Variants in LRRIQ1 observed in about 807,000 individuals in gnomAD.
LRRIQ1 encodes leucine-rich repeat- and IQ domain-containing protein 1.
A neutral mutation model predicts 211.9 loss-of-function variants in LRRIQ1; 210 were observed. The ratio of observed to expected loss-of-function variants is 0.99; its 90% CI spans 0.89 to 1.11. LRRIQ1 has a LOEUF of 1.11. Among genes scored for constraint, LRRIQ1 ranks in the 50% most tolerant of loss-of-function variants. The pLI is 0.00. For synonymous variants in LRRIQ1, 699 were observed against 650.1 expected (o/e 1.08, Z -1.14); for missense variants, 2,136 against 1,939.5 (o/e 1.10, Z -1.90).
In LRRIQ1 at chr12:85,104,007, G is replaced by C; in HGVS notation, c.3213G>C (p.Leu1071Phe). The C allele has an allele frequency of 6.4e-7, 1 of 1,562,856 alleles. No homozygotes were observed. The highest frequency in any genetic ancestry group is 1.4e-5 in the African/African-American group (1 of 72,662). The change falls in exon 14 of 27, where the codon TTG (leucine) becomes TTC (phenylalanine). Residue 1071 changes from leucine (L) to phenylalanine (F), a missense_variant. Transcript: ENST00000393217. The part of the protein sequence containing the change: ...LQNITISQNS[L>F]TKIVPLFHFV... ...AAGTTTTTGTTTTTGTTTTCAGCTT[G>C]ACTAAAATCGTACCACTTTTTCATT...
rs568533289 is a variant in LRRIQ1, at chr12:85,158,233, T to C, written c.4721-2380T>C. 3.3e-3 allele frequency among the ~76,000 whole-genome samples: 507 copies of C among 151,754 alleles called. 3 individuals carry two copies. The highest frequency in any genetic ancestry group is 5.3e-3 in the Non-Finnish European group (358 of 67,826). ...CTGGTAGATATCCAATGAATGTCAA[T>C]TGACTAAAAAAAAAAAACTAGATAA... is the stretch of plus-strand genomic sequence containing the variant. On this transcript the variant is annotated intron_variant, in intron 23 of 26. Coordinates refer to ENST00000393217, the MANE Select transcript of LRRIQ1 (RefSeq NM_001079910.2).
intron 24 of LRRIQ1, among the ~76,000 whole-genome samples, chr12:85,203,668 C>T (rs1893404595): frequency 6.6e-6 from 1 of 151,938 alleles, no homozygotes; most frequent in African/African-American, 2.4e-5. Context: ...GCATTGTGTC[C>T]CTGCCCTAGA....
chr12:85,202,279 A>G (rs972436609), intron 24 of LRRIQ1, among the ~76,000 whole-genome samples: 4 of 152,034 alleles, frequency 2.6e-5, no homozygotes, highest in Admixed American at 2.0e-4. Flanking sequence ...TTTTGAGTGG[A>G]GTGTTCTGCA....
At chr12:85,150,816 T>A (rs531541898) in intron 19 of LRRIQ1, among the ~76,000 whole-genome samples, 1 of 151,766 alleles carries the variant, frequency 6.6e-6, no homozygotes, top group African/African-American at 2.4e-5. Flanking sequence ...TATTTACAAA[T>A]ACTGAAATTT....
intron 1 of LRRIQ1, among the ~76,000 whole-genome samples, chr12:85,251,528 G>A (rs781709162): frequency 6.6e-6 from 1 of 151,870 alleles, no homozygotes. Context: ...GTCCTTGTTG[G>A]CTCTTTCCTA....
intron 24 of LRRIQ1, among the ~76,000 whole-genome samples, chr12:85,209,343 G>C (rs1893724185): frequency 6.6e-6 from 1 of 152,062 alleles, no homozygotes; most frequent in East Asian, 1.9e-4. Flanking sequence ...ACAAAAGGGG[G>C]AAAAGCCCCT....
At position 85,223,525 on chromosome 12, in the gene LRRIQ1, A is replaced by G. The variant is rs534036096; in HGVS notation, c.4823-5992A>G. On this transcript the variant is annotated intron_variant, in intron 24 of 26. Coordinates refer to ENST00000393217, the MANE Select transcript of LRRIQ1 (RefSeq NM_001079910.2). ...TGATATTATTTGTGAAAAACAAAAT[A>G]TTGGAAGAGTGTCCAATTTGTCCCT... 9.8e-5 allele frequency among the ~76,000 whole-genome samples: 15 copies of G among 152,352 alleles called. No individual in the cohort carries two copies. The South Asian group carries it at 1.2e-3, about 13-fold the overall frequency.
At chr12:85,043,196 T>A (rs1332511390) in intron 3 of LRRIQ1, among the ~76,000 whole-genome samples, 1 of 152,090 alleles carries the variant, frequency 6.6e-6, no homozygotes, top group Non-Finnish European at 1.5e-5. Context: ...TTTATTACTA[T>A]ATCTTTTGGT....
chr12:85,258,930 A>G (rs1336821486), intron 1 of LRRIQ1, among the ~76,000 whole-genome samples: 1 of 152,040 alleles, frequency 6.6e-6, no homozygotes, highest in East Asian at 1.9e-4. Flanking sequence ...AAATCATTTT[A>G]CATATTAAAT....
chr12:85,195,373 AAAG>A (rs1380772133), intron 24 of LRRIQ1, among the ~76,000 whole-genome samples: 1 of 152,042 alleles, frequency 6.6e-6, no homozygotes, highest in Non-Finnish European at 1.5e-5. Flanking sequence ...ACAACAAAAA[AAAG>A]AGAATTTTAG....
chr12:85,203,114 G>A (rs1041124570), intron 24 of LRRIQ1, among the ~76,000 whole-genome samples: 7 of 152,128 alleles, frequency 4.6e-5, no homozygotes, highest in Non-Finnish European at 1.0e-4. Context: ...CCCCCATAGT[G>A]TTCTCGTGGT....
intron 19 of LRRIQ1, among the ~76,000 whole-genome samples, chr12:85,142,335 T>C (rs934570619): frequency 6.6e-6 from 1 of 151,502 alleles, no homozygotes; most frequent in Non-Finnish European, 1.5e-5. Flanking sequence ...TAAATATCTT[T>C]CATTAGTTTT....
intron 24 of LRRIQ1, among the ~76,000 whole-genome samples, chr12:85,217,500 ATATATATATGTGTGTG>A (rs1442760887): frequency 1.1e-3 from 90 of 81,530 alleles, no homozygotes; most frequent in Admixed American, 1.5e-3. Flanking sequence ...ATGTATATAT[ATATATATATGTGTGTG>A]TGTGTGTGTG....
At chr12:85,098,212 C>G (rs1485118530) in intron 11 of LRRIQ1, 143 bp from the exon 12 acceptor site, 6 of 557,128 alleles carry the variant, frequency 1.1e-5, no homozygotes, top group African/African-American at 2.0e-5. Flanking sequence ...TATGTTTCAC[C>G]AGGAATTTGG....
At chr12:85,249,043 T>C (rs1895821134), downstream of LRRIQ1, among the ~76,000 whole-genome samples, 2 of 151,832 alleles carry the variant, frequency 1.3e-5, no homozygotes. Flanking sequence ...CTAAACTATT[T>C]GTTAAGGAAA....
downstream of LRRIQ1, among the ~76,000 whole-genome samples, chr12:85,249,257 G>T (rs1258253410): frequency 5.3e-5 from 8 of 151,728 alleles, no homozygotes; most frequent in Non-Finnish European, 1.0e-4. Flanking sequence ...GATGGATATT[G>T]AAGTTTATTT....
At chr12:85,242,448 A>C (rs1295926543) in intron 26 of LRRIQ1, among the ~76,000 whole-genome samples, 2 of 151,978 alleles carry the variant, frequency 1.3e-5, no homozygotes, top group African/African-American at 4.8e-5. Flanking sequence ...AGAAGGGAGA[A>C]TATGCATAGG....
At chr12:85,233,557 C>T (rs76884792) in intron 26 of LRRIQ1, among the ~76,000 whole-genome samples, 1 of 152,068 alleles carries the variant, frequency 6.6e-6, no homozygotes, top group Non-Finnish European at 1.5e-5. Flanking sequence ...ATTAAAAGAT[C>T]ATGTGATTCT....
intron 1 of LRRIQ1, among the ~76,000 whole-genome samples, chr12:85,252,897 AAATTT>A (rs1423753390): frequency 7.2e-5 from 11 of 151,972 alleles, no homozygotes; most frequent in Non-Finnish European, 1.2e-4. Flanking sequence ...ATATAATTTC[AAATTT>A]AATTTAATAT....
Sources: allele counts gnomAD v4.1 joint callset (sites outside exome capture counted in the v4.1 genomes callset), GRCh38; gene constraint gnomAD v4.1.1; transcripts MANE v1.5; gene names NCBI Gene and HGNC (gene_info 2026-07-23, HGNC 2026-07-21).